Variants in UBE2H observed in about 807,000 individuals in gnomAD.
UBE2H encodes ubiquitin-conjugating enzyme E2 H.
UBE2H carries 3 observed loss-of-function variants against 29.0 expected under a neutral mutation model. The ratio of observed to expected loss-of-function variants is 0.10; its 90% CI spans 0.05 to 0.27. The LOEUF is 0.27. Among genes scored for constraint, UBE2H ranks in the 10% least tolerant of loss-of-function variants. The pLI is 1.00. For synonymous variants in UBE2H, 69 were observed against 82.9 expected (o/e 0.83, Z 0.91); for missense variants, 68 against 228.2 (o/e 0.30, Z 4.52).
At chr7:129,935,002 T>TA (rs1201419498) in intron 1 of UBE2H, among the ~76,000 whole-genome samples, 7 of 150,988 alleles carry the variant, frequency 4.6e-5, no homozygotes, top group Admixed American at 6.6e-5. Context: ...TGTGTGTGTA[T>TA]ATGTGTGTGT....
intron 1 of UBE2H, among the ~76,000 whole-genome samples, chr7:129,946,036 G>A (rs1013816054): frequency 6.7e-6 from 1 of 149,446 alleles, no homozygotes; most frequent in Non-Finnish European, 1.5e-5. Flanking sequence ...ATGAGCCACT[G>A]TGCCCAGCCT....
At chr7:129,846,616 C>T (rs1246484314) in intron 5 of UBE2H, among the ~76,000 whole-genome samples, 1 of 152,114 alleles carries the variant, frequency 6.6e-6, no homozygotes, top group Admixed American at 6.6e-5. Context: ...GGTTAAAATC[C>T]TGTGGATACC....
intron 1 of UBE2H, among the ~76,000 whole-genome samples, chr7:129,935,149 G>A (rs1032558699): frequency 1.3e-5 from 2 of 151,524 alleles, no homozygotes; most frequent in Non-Finnish European, 2.9e-5. Flanking sequence ...TTAAGGCTGG[G>A]CATGGTGGCT....
chr7:129,837,766 G>T (rs1419675804), intron 6 of UBE2H, among the ~76,000 whole-genome samples: 1 of 152,180 alleles, frequency 6.6e-6, no homozygotes, highest in East Asian at 1.9e-4. Context: ...TAGGAAGTGG[G>T]GGTGAGCTCA....
intron 1 of UBE2H, among the ~76,000 whole-genome samples, chr7:129,917,037 CAAA>C (rs35874993): frequency 5.2e-5 from 5 of 96,430 alleles, no homozygotes; most frequent in Admixed American, 1.1e-4. Flanking sequence ...ATTCCGTCTC[CAAA>C]AAAAAAAAAA....
chr7:129,857,482 T>A (rs772206144), intron 5 of UBE2H, 29 bp downstream of exon 5: 9 of 1,597,408 alleles, frequency 5.6e-6, no homozygotes, highest in Non-Finnish European at 7.7e-6. Flanking sequence ...TCTCAACATC[T>A]CCAAAAAATA....
chr7:129,884,341 C>T (rs1389392468), intron 1 of UBE2H, among the ~76,000 whole-genome samples: 4 of 148,888 alleles, frequency 2.7e-5, no homozygotes, highest in East Asian at 2.0e-4. Context: ...GGCATGAACA[C>T]GGGAGGTGGA....
intron 3 of UBE2H, among the ~76,000 whole-genome samples, chr7:129,877,006 A>G (rs569144880): frequency 6.6e-6 from 1 of 152,336 alleles, no homozygotes; most frequent in African/African-American, 2.4e-5. Flanking sequence ...TAAAGAGCAT[A>G]TTCCAGAATG....
At chr7:129,877,327 G>A (rs774980180) in intron 3 of UBE2H, among the ~76,000 whole-genome samples, 3 of 152,176 alleles carry the variant, frequency 2.0e-5, no homozygotes, top group Non-Finnish European at 2.9e-5. Context: ...TTGAGATTGG[G>A]TTGATCTTAC....
intron 4 of UBE2H, 81 bp from the exon 5 acceptor site, chr7:129,857,644 C>G: frequency 7.0e-7 from 1 of 1,424,830 alleles, no homozygotes; most frequent in Non-Finnish European, 9.7e-7. Context: ...TTTTACTTAT[C>G]AAGAGAAATA....
chr7:129,906,005 G>A (rs542752393), intron 1 of UBE2H, among the ~76,000 whole-genome samples: 1 of 152,210 alleles, frequency 6.6e-6, no homozygotes, highest in South Asian at 2.1e-4. Flanking sequence ...TTTAGGACAT[G>A]TTGAATCTGG....
chr7:129,928,159 T>G (rs1168466363), intron 1 of UBE2H, among the ~76,000 whole-genome samples: 1 of 150,908 alleles, frequency 6.6e-6, no homozygotes, highest in Admixed American at 6.6e-5. Flanking sequence ...GGTGAAACCC[T>G]GTGCCTACTA....
chr7:129,941,967 T>C (rs927347400), intron 1 of UBE2H, among the ~76,000 whole-genome samples: 3 of 152,056 alleles, frequency 2.0e-5, no homozygotes, highest in Non-Finnish European at 2.9e-5. Context: ...CCCAACACTT[T>C]GGGAGGCCAA....
At chr7:129,917,037 C>CAAAA (rs35874993) in intron 1 of UBE2H, among the ~76,000 whole-genome samples, 5 of 96,432 alleles carry the variant, frequency 5.2e-5, no homozygotes, top group African/African-American at 1.0e-4. Flanking sequence ...ATTCCGTCTC[C>CAAAA]AAAAAAAAAA....
rs1805259681 is a variant in UBE2H, at chr7:129,833,063, CGGTTA to C, written c.*1869_*1873del. On this transcript the variant is annotated 3_prime_UTR_variant, in exon 7 of 7. Transcript: ENST00000355621. ...CAGATGCTAGATGGATAACTCAGTA[CGGTTA>C]ACTAACCACAGCCCTACATCACTGC... The C allele has an allele frequency of 6.6e-6, 1 of 151,460 alleles. No homozygotes were observed. The highest frequency in any genetic ancestry group is 1.5e-5 in the Non-Finnish European group (1 of 67,946). The allele number at this position is 151,460 out of a possible 1,614,324, so 9.4% of individuals were successfully genotyped here. A position where few individuals can be genotyped will look rare whatever the true frequency, so the allele number is the denominator to read the frequency against.
intron 5 of UBE2H, among the ~76,000 whole-genome samples, chr7:129,843,091 T>G (rs1193695710): frequency 1.4e-5 from 2 of 147,964 alleles, no homozygotes; most frequent in African/African-American, 2.5e-5. Flanking sequence ...CTCCGCCTCC[T>G]GGGTTCACGC....
At chr7:129,856,245 C>T (rs1282382230) in intron 5 of UBE2H, among the ~76,000 whole-genome samples, 1 of 152,162 alleles carries the variant, frequency 6.6e-6, no homozygotes, top group Non-Finnish European at 1.5e-5. Flanking sequence ...CCTCAGACCA[C>T]TAAAAGGTCG....
intron 1 of UBE2H, among the ~76,000 whole-genome samples, chr7:129,893,272 A>T (rs1806538056): frequency 6.6e-6 from 1 of 152,220 alleles, no homozygotes; most frequent in Non-Finnish European, 1.5e-5. Context: ...GGCAAAAACC[A>T]AGTAAATGTT....
intron 1 of UBE2H, among the ~76,000 whole-genome samples, chr7:129,894,340 G>A (rs552577163): frequency 1.3e-5 from 2 of 152,070 alleles, no homozygotes; most frequent in South Asian, 4.2e-4. Flanking sequence ...TGTAGTCCCA[G>A]CTACTCGGGA....
Sources: allele counts gnomAD v4.1 joint callset (sites outside exome capture counted in the v4.1 genomes callset), GRCh38; gene constraint gnomAD v4.1.1; transcripts MANE v1.5; gene names NCBI Gene and HGNC (gene_info 2026-07-23, HGNC 2026-07-21).